The following CHD3 variants were observed in gnomAD, a reference collection of about 807,000 sequenced individuals.
CHD3 encodes the protein ATP-dependent chromatin remodeler CHD3.
CHD3 carries 52 observed loss-of-function variants against 248.9 expected under a neutral mutation model. That is an observed-to-expected ratio of 0.21 (90% CI 0.17 to 0.26). The LOEUF (loss-of-function observed/expected upper bound fraction) is 0.26. Among genes scored for constraint, CHD3 ranks in the 10% least tolerant of loss-of-function variants. The pLI is 1.00. For missense variants in CHD3, 1,482 were observed against 2,605.8 expected (o/e 0.57, Z 9.39); for synonymous variants, 985 against 985.2 (o/e 1.00, Z 0.00).
Position 7,900,340 on chromosome 17 carries a change from A to T in CHD3, c.2733A>T (p.Thr911=), listed in dbSNP as rs780667900. The change falls in exon 17 of 40, where the codon ACA becomes ACT. Residue 911 remains threonine, a synonymous_variant. Coordinates refer to ENST00000330494, the MANE Select transcript of CHD3 (RefSeq NM_001005273.3). This position sits in a 1 kb window ranked among gnomAD's most constrained non-coding sequence, Gnocchi z 6.5. The part of the protein sequence containing the change: ...GYKIDHKLLL[T]GTPLQNNLEE... The stretch of plus-strand genomic sequence containing the variant: ...AGATAGATCATAAGTTGCTGCTGAC[A>T]GGAACCCCATTGCAGAATAATCTGG... 2 of 1,614,196 alleles carry T rather than the reference A, an allele frequency of 1.2e-6. No individual in the cohort carries two copies. Among genetic ancestry groups the T allele is most frequent in the South Asian group, 2.2e-5 (2 of 91,082 alleles).
At chr17:7,890,414 G>A in intron 2 of CHD3, 157 bp from the exon 3 acceptor site, 1 of 590,492 alleles carries the variant, frequency 1.7e-6, no homozygotes, top group Non-Finnish European at 2.9e-6. Context: ...GGGTGACAGA[G>A]CAAGACTCCA....
chr17:7,901,125 C>T, intron 19 of CHD3, 119 bp from the exon 20 acceptor site: 3 of 1,513,712 alleles, frequency 2.0e-6, no homozygotes, highest in Non-Finnish European at 2.7e-6. Flanking sequence ...TGTCTGAGAA[C>T]AGGAGGAATT....
Position 7,910,678 on chromosome 17 carries a change from T to C in CHD3, c.5754+87T>C. ...ACACTTCCATCAGAATCCTATACAATATGGAAAAACAACTTGCTAGAACAC... is the reference window on the plus strand; with the variant it reads ...ACACTTCCATCAGAATCCTATACAACATGGAAAAACAACTTGCTAGAACAC... On this transcript the variant is annotated intron_variant, in intron 38 of 39. Transcript: ENST00000330494. This position sits in a 1 kb window ranked among gnomAD's most constrained non-coding sequence, Gnocchi z 4.7. 6.6e-7 allele frequency: 1 copy of C among 1,523,850 alleles called. No individual in the cohort carries two copies. Among genetic ancestry groups the C allele is most frequent in the Admixed American group, 2.0e-5 (1 of 51,022 alleles). The allele number at this position is 1,523,850 out of a possible 1,614,324, so 94.4% of individuals were successfully genotyped here.
chr17:7,905,107 G>A lies in CHD3; in HGVS notation c.4080G>A (p.Gln1360=), dbSNP rs749421338. 15 of 1,614,066 alleles carry A rather than the reference G, an allele frequency of 9.3e-6. No homozygotes were observed. The East Asian group carries it at 2.9e-4, about 31-fold the overall frequency. ...NDAAQEDQDN[Q]SEYSVGSEEE... Reference sequence around the variant, plus strand: ...CCCTTTCCACCCCCACAGACAACCAGTCAGAGTACTCGGTGGGTTCAGAGG... The same window carrying A: ...CCCTTTCCACCCCCACAGACAACCAATCAGAGTACTCGGTGGGTTCAGAGG... The change falls in exon 26 of 40, where the codon CAG becomes CAA. Residue 1360 remains glutamine, a synonymous_variant. Transcript: ENST00000330494. This position sits in a 1 kb window ranked among gnomAD's most constrained non-coding sequence, Gnocchi z 5.8.
chr17:7,891,029 G>A lies in CHD3; in HGVS notation c.474G>A (p.Thr158=), dbSNP rs1412277404. 8.1e-6 allele frequency: 13 copies of A among 1,614,100 alleles called. No homozygotes were observed. The highest frequency in any genetic ancestry group is 5.3e-5 in the African/African-American group (4 of 75,024). ...TGTTCTCTGAGGAGGATTACCACAC[G>A]CTCACCAACTACAAAGCCTTCAGCC... ...EHVFSEEDYH[T]LTNYKAFSQF... is the part of the protein sequence containing the mutation. Residue 158 remains threonine (T), a synonymous_variant, in exon 4 of 40, where the codon ACG becomes ACA. Transcript: ENST00000330494.
chr17:7,911,064 A>G lies in CHD3; in HGVS notation c.5881+91A>G. 2 of 1,539,522 alleles carry G rather than the reference A, an allele frequency of 1.3e-6. No individual in the cohort carries two copies. The highest frequency in any genetic ancestry group is 1.8e-6 in the Non-Finnish European group (2 of 1,126,950). On this transcript the variant is annotated intron_variant, in intron 39 of 39. Coordinates refer to ENST00000330494, the MANE Select transcript of CHD3 (RefSeq NM_001005273.3). The surrounding 1 kb of genome is among the most constrained non-coding windows in gnomAD (Gnocchi z 5.4). Reference sequence around the variant, plus strand: ...AGCTGCCCTTTAACTGCTCTAGTCCATCTCATTTCCTTGGTGGTATCCGGT... The same window carrying G: ...AGCTGCCCTTTAACTGCTCTAGTCCGTCTCATTTCCTTGGTGGTATCCGGT...
rs752967338 is a variant in CHD3 at position 7,894,401 on chromosome 17, G to A, written c.1076-14G>A. ...TGCCCTGCTTCCTTATCCCTCCACC[G>A]GGGTATATGACAGTCCTGGGCTGTC... is the stretch of plus-strand genomic sequence containing the variant. On this transcript the variant is annotated splice_polypyrimidine_tract_variant and intron_variant, in intron 7 of 39. Transcript: ENST00000330494. 14 of 1,602,540 alleles carry A rather than the reference G, an allele frequency of 8.7e-6. No individual in the cohort carries two copies. The highest frequency in any genetic ancestry group is 2.2e-5 in the East Asian group (1 of 44,680).
intron 13 of CHD3, among the ~76,000 whole-genome samples, 155 bp from the exon 14 acceptor site, chr17:7,898,856 G>T (rs1300720727): frequency 6.6e-6 from 1 of 152,204 alleles, no homozygotes; most frequent in Non-Finnish European, 1.5e-5. Context: ...GAATGAGGGG[G>T]AGGGGCTGAA....
At position 7,905,161 on chromosome 17, in the gene CHD3, T is replaced by C. The variant is rs770770002; in HGVS notation, c.4134T>C (p.Pro1378=). Residue 1378 remains proline, a synonymous_variant, in exon 26 of 40, where the codon CCT becomes CCC. Coordinates refer to ENST00000330494, the MANE Select transcript of CHD3 (RefSeq NM_001005273.3). This position sits in a 1 kb window ranked among gnomAD's most constrained non-coding sequence, Gnocchi z 5.8. ...EEEDEDFDER[P]EGRRQSKRQL... ...AGGATGAAGACTTCGATGAACGTCC[T>C]GAAGGTGGCATCTGTGTTCCTGACT... The C allele has an allele frequency of 2.5e-6, 4 of 1,614,014 alleles. No individual in the cohort carries two copies. The Admixed American group carries it at 5.0e-5, about 20-fold the overall frequency.
chr17:7,891,197 A>G (rs1968803356), intron 4 of CHD3, 133 bp downstream of exon 4: 5 of 1,078,306 alleles, frequency 4.6e-6, no homozygotes, highest in Middle Eastern at 6.2e-4. Context: ...CAAATTCTAC[A>G]CGTCATTTCA....
chr17:7,907,501 C>T lies in CHD3; in HGVS notation c.4924+13C>T. ...AGAGAGAAGTCAGGTGGGTGCATGG[C>T]CTTAGGAGTGATGGGGGATTAGAAT... On this transcript the variant is annotated intron_variant, in intron 32 of 39. Coordinates refer to ENST00000330494, the MANE Select transcript of CHD3 (RefSeq NM_001005273.3). This position sits in a 1 kb window ranked among gnomAD's most constrained non-coding sequence, Gnocchi z 4.3. 1 of 1,558,894 alleles carries T rather than the reference C, an allele frequency of 6.4e-7. No homozygotes were observed. Among genetic ancestry groups the T allele is most frequent in the East Asian group, 2.3e-5 (1 of 44,408 alleles).
rs751355886 is a variant in CHD3, at chr17:7,889,776, T to C, written c.213T>C (p.Arg71=). 3.7e-6 allele frequency: 6 copies of C among 1,608,180 alleles called. No homozygotes were observed. The highest frequency in any genetic ancestry group is 1.1e-5 in the South Asian group (1 of 90,322). The change falls in exon 2 of 40, where the codon CGT becomes CGC. Residue 71 remains arginine, a splice_region_variant and synonymous_variant. Coordinates refer to ENST00000330494, the MANE Select transcript of CHD3 (RefSeq NM_001005273.3). The surrounding 1 kb of genome is among the most constrained non-coding windows in gnomAD (Gnocchi z 4.5). ...GAAAACCCCGAAAACGCAAGAAGCGTGTAAGTGTCAAGAATTCCTAACTCT... is the reference window on the plus strand; with the variant it reads ...GAAAACCCCGAAAACGCAAGAAGCGCGTAAGTGTCAAGAATTCCTAACTCT... The part of the protein sequence containing the change: ...KPGKPRKRKK[R]DSEEEFGSER...
intron 8 of CHD3, 32 bp from the exon 9 acceptor site, chr17:7,894,885 A>T (rs1969425476): frequency 6.2e-7 from 1 of 1,608,046 alleles, no homozygotes; most frequent in South Asian, 1.1e-5. Context: ...AATTTCTTCC[A>T]TCTGTCTGTG....
At position 7,905,503 on chromosome 17, in the gene CHD3, A is replaced by T; in HGVS notation, c.4139-118A>T. On this transcript the variant is annotated intron_variant, in intron 26 of 39. Transcript: ENST00000330494. The surrounding 1 kb of genome is among the most constrained non-coding windows in gnomAD (Gnocchi z 5.8). ...AAGTGCTTGGGAGAGAATTGGGAGC[A>T]CCTCAAACGTGACAGGAATGTTCCT... The T allele has an allele frequency of 1.3e-6, 1 of 748,306 alleles. No individual in the cohort carries two copies. The highest frequency in any genetic ancestry group is 2.2e-6 in the Non-Finnish European group (1 of 459,298). The allele number at this position is 748,306 out of a possible 1,614,324, so 46.4% of individuals were successfully genotyped here.
rs1384183261 is a variant in CHD3, at chr17:7,906,339, C to T, written c.4359-214C>T. On this transcript the variant is annotated intron_variant, in intron 28 of 39. Coordinates refer to ENST00000330494, the MANE Select transcript of CHD3 (RefSeq NM_001005273.3). This position sits in a 1 kb window ranked among gnomAD's most constrained non-coding sequence, Gnocchi z 5.0. ...CTGATGGGGCCCAGGAATTAAGTAC[C>T]AAGGCCAAAGGGAAAGACCCAGGGG... The T allele has an allele frequency of 4.4e-6, 3 of 677,738 alleles. No homozygotes were observed. Among genetic ancestry groups the T allele is most frequent in the Non-Finnish European group, 7.9e-6 (3 of 381,066 alleles). 42.0% of individuals were successfully genotyped at this position (677,738 alleles called of 1,614,324 possible).
rs764913346 is a variant in CHD3, at chr17:7,901,284, C to T, written c.3161C>T (p.Ala1054Val). 3 of 1,613,462 alleles carry T rather than the reference C, an allele frequency of 1.9e-6. No homozygotes were observed. In the Middle Eastern group the frequency reaches 4.9e-4, roughly 265 times the overall value. Reference sequence around the variant, plus strand: ...CCCAGTGGGGCTTATGAGGGTGGGGCACTTATTAAGTCGTCTGGGAAGCTC... The same window carrying T: ...CCCAGTGGGGCTTATGAGGGTGGGGTACTTATTAAGTCGTCTGGGAAGCTC... ...KLPSGAYEGGALIKSSGKLML... is the reference protein window; with the variant it reads ...KLPSGAYEGGVLIKSSGKLML... Residue 1054 changes from alanine (A) to valine (V), a missense_variant, in exon 20 of 40, where the codon GCA becomes GTA. Physicochemically the swap from Ala to Val is moderately conservative, Grantham distance 64 (BLOSUM62 0). Coordinates refer to ENST00000330494, the MANE Select transcript of CHD3 (RefSeq NM_001005273.3).
rs767202239 is a variant in CHD3 at position 7,906,502 on chromosome 17, A to G, written c.4359-51A>G. ...ATCCTCGCGCCTCCCTCACTGCCCT[A>G]TACCCCTTCTGTGGCTCCCCTAACC... On this transcript the variant is annotated intron_variant, in intron 28 of 39. Coordinates refer to ENST00000330494, the MANE Select transcript of CHD3 (RefSeq NM_001005273.3). This position sits in a 1 kb window ranked among gnomAD's most constrained non-coding sequence, Gnocchi z 5.0. The G allele has an allele frequency of 9.7e-5, 156 of 1,604,618 alleles. No individual in the cohort carries two copies. The highest frequency in any genetic ancestry group is 1.2e-4 in the Non-Finnish European group (137 of 1,173,878).
intron 4 of CHD3, among the ~76,000 whole-genome samples, chr17:7,892,445 T>C (rs913927733): frequency 2.0e-5 from 3 of 152,202 alleles, no homozygotes; most frequent in Admixed American, 6.5e-5. Context: ...TTGTTGATTT[T>C]ATTTTAACCT....
chr17:7,897,189 A>G lies in CHD3; in HGVS notation c.1814A>G (p.Asp605Gly), dbSNP rs767237031. Residue 605 changes from aspartate (D) to glycine (G), a missense_variant, in exon 11 of 40, where the codon GAC (aspartate) becomes GGC (glycine). Coordinates refer to ENST00000330494, the MANE Select transcript of CHD3 (RefSeq NM_001005273.3). The surrounding 1 kb of genome is among the most constrained non-coding windows in gnomAD (Gnocchi z 4.8). Reference protein sequence around the residue: ...YGSGEDDGKSDKRKVKDPHYA... With the variant: ...YGSGEDDGKSGKRKVKDPHYA... ...TCCGGCGAGGATGATGGGAAGAGCG[A>G]CAAGCGTAAAGTGAAAGACCCGCAC... is the stretch of plus-strand genomic sequence containing the variant. 2.0e-5 allele frequency: 33 copies of G among 1,614,066 alleles called. No homozygotes were observed. In the East Asian group the frequency reaches 6.9e-4, roughly 34 times the overall value.
Sources: gnomAD v4.1 joint callset for allele counts (sites outside exome capture counted in the v4.1 genomes callset) on GRCh38, gnomAD v4.1.1 for gene constraint, Gnocchi (gnomAD v3.1) non-coding constraint, MANE v1.5 for transcripts, NCBI Gene and HGNC (gene_info 2026-07-23, HGNC 2026-07-21) for gene names.